ASB3: variants seen among roughly 807,000 people sequenced by gnomAD.
ASB3 encodes the protein ankyrin repeat and SOCS box protein 3.
In ASB3, 41 loss-of-function variants were observed where a neutral mutation model predicts 54.5. The ratio of observed to expected loss-of-function variants is 0.75; its 90% CI spans 0.59 to 0.98. The LOEUF is 0.98. Among genes scored for constraint, ASB3 ranks in the 50% least tolerant of loss-of-function variants. The pLI is 0.00. For synonymous variants in ASB3, 266 were observed against 221.2 expected (o/e 1.20, Z -1.80); for missense variants, 733 against 620.0 (o/e 1.18, Z -1.94).
At chr2:53,707,335 T>A (rs1014030700) in intron 7 of ASB3, among the ~76,000 whole-genome samples, 2 of 152,174 alleles carry the variant, frequency 1.3e-5, no homozygotes, top group African/African-American at 4.8e-5. Flanking sequence ...ACCATCTTGT[T>A]AGCTTGTTAG....
chr2:53,773,577 C>T (rs1005944033), intron 1 of ASB3, among the ~76,000 whole-genome samples: 19 of 152,020 alleles, frequency 1.2e-4, no homozygotes, highest in African/African-American at 4.6e-4. Flanking sequence ...ATTACAAGTG[C>T]CTGCCACTGT....
chr2:53,716,024 G>C (rs77778371), intron 6 of ASB3, among the ~76,000 whole-genome samples: 8,699 of 151,946 alleles, frequency 0.057, 474 homozygotes, highest in East Asian at 0.28. Context: ...ATTTATGATA[G>C]GTAGCCATAT....
At chr2:53,774,517 T>C in intron 1 of ASB3, 1 of 1,536,680 alleles carries the variant, frequency 6.5e-7, no homozygotes, top group Non-Finnish European at 8.7e-7. Flanking sequence ...GAACCTCAAT[T>C]GCATATAATT....
chr2:53,718,922 T>C (rs1013457887), intron 5 of ASB3, among the ~76,000 whole-genome samples: 3 of 152,064 alleles, frequency 2.0e-5, no homozygotes, highest in Non-Finnish European at 2.9e-5. Context: ...GTTTTTTATT[T>C]TATTTTATTT....
chr2:53,680,534 G>GTGTCT (rs1668314827), intron 9 of ASB3, among the ~76,000 whole-genome samples: 1 of 152,022 alleles, frequency 6.6e-6, no homozygotes, highest in Non-Finnish European at 1.5e-5. Flanking sequence ...GGCTGGATGT[G>GTGTCT]TGTCTTCTTT....
At chr2:53,779,227 G>C (rs1002292964) in intron 1 of ASB3, among the ~76,000 whole-genome samples, 1 of 151,976 alleles carries the variant, frequency 6.6e-6, no homozygotes, top group Non-Finnish European at 1.5e-5. Context: ...TTTTTTAACT[G>C]GATTATTTGT....
chr2:53,676,432 G>A (rs758291876), intron 9 of ASB3, among the ~76,000 whole-genome samples: 3 of 152,142 alleles, frequency 2.0e-5, no homozygotes, highest in Admixed American at 6.5e-5. Flanking sequence ...AGCCATTACT[G>A]TTGCCAATAC....
intron 1 of ASB3, 61 bp from the exon 2 acceptor site, chr2:53,765,646 G>A (rs561589599): frequency 1.3e-6 from 2 of 1,596,142 alleles, no homozygotes; most frequent in Middle Eastern, 1.7e-4. Flanking sequence ...ACTCCTAGAG[G>A]TCAGCAAATC....
At chr2:53,713,434 G>A (rs1670214636) in intron 7 of ASB3, among the ~76,000 whole-genome samples, 1 of 152,168 alleles carries the variant, frequency 6.6e-6, no homozygotes, top group Admixed American at 6.5e-5. Context: ...CAATATGGCT[G>A]TTCTTACACA....
At chr2:53,708,070 A>AC (rs1363592717) in intron 7 of ASB3, among the ~76,000 whole-genome samples, 1 of 152,084 alleles carries the variant, frequency 6.6e-6, no homozygotes, top group East Asian at 1.9e-4. Context: ...CTGTGTCCCC[A>AC]CCCAAATCTC....
At chr2:53,681,615 T>C (rs567953385) in intron 9 of ASB3, among the ~76,000 whole-genome samples, 1 of 152,312 alleles carries the variant, frequency 6.6e-6, no homozygotes, top group East Asian at 1.9e-4. Context: ...ATAAAGAGAC[T>C]GTCCTTTCCC....
intron 1 of ASB3, among the ~76,000 whole-genome samples, chr2:53,773,893 G>C (rs139563861): frequency 2.3e-4 from 35 of 152,130 alleles, no homozygotes; most frequent in African/African-American, 8.4e-4. Context: ...AAATTAGCTG[G>C]GCATGGTGGT....
intron 9 of ASB3, among the ~76,000 whole-genome samples, chr2:53,675,138 T>C (rs1239786707): frequency 6.6e-6 from 1 of 152,210 alleles, no homozygotes; most frequent in Non-Finnish European, 1.5e-5. Context: ...CAAAAGGCTG[T>C]TGATGATGTT....
At chr2:53,771,773 A>C in intron 1 of ASB3, 4 of 684,454 alleles carry the variant, frequency 5.8e-6, no homozygotes, top group Non-Finnish European at 1.1e-5. Flanking sequence ...CATAAAAAAT[A>C]ACTATGCTTA....
chr2:53,722,106 C>T (rs1670745778), intron 5 of ASB3, among the ~76,000 whole-genome samples: 1 of 151,590 alleles, frequency 6.6e-6, no homozygotes, highest in South Asian at 2.1e-4. Flanking sequence ...ATAAATCACA[C>T]AATCTCTCAA....
chr2:53,724,259 A>G (rs190507900), intron 5 of ASB3, among the ~76,000 whole-genome samples: 1 of 152,164 alleles, frequency 6.6e-6, no homozygotes, highest in African/African-American at 2.4e-5. Context: ...TCTAGAATCT[A>G]TAAGGAACTT....
At chr2:53,769,842 CA>C (rs950177394) in intron 1 of ASB3, among the ~76,000 whole-genome samples, 2 of 149,718 alleles carry the variant, frequency 1.3e-5, no homozygotes, top group African/African-American at 2.5e-5. Flanking sequence ...AATTCCGTCT[CA>C]AAAAAAAAGA....
chr2:53,717,034 T>C (rs1196027068), intron 5 of ASB3, among the ~76,000 whole-genome samples: 1 of 152,138 alleles, frequency 6.6e-6, no homozygotes, highest in East Asian at 1.9e-4. Context: ...CTGGGCAACA[T>C]AGTGAGACCC....
chr2:53,744,404 T>G (rs1040666041), intron 3 of ASB3, among the ~76,000 whole-genome samples: 2 of 148,200 alleles, frequency 1.3e-5, no homozygotes, highest in Admixed American at 6.8e-5. Flanking sequence ...AATAAAAAAA[T>G]TAAAAAAAAT....
Sources: gnomAD v4.1 joint callset for allele counts (sites outside exome capture counted in the v4.1 genomes callset) on GRCh38, gnomAD v4.1.1 for gene constraint, MANE v1.5 for transcripts, NCBI Gene and HGNC (gene_info 2026-07-23, HGNC 2026-07-21) for gene names.